SETD9: variants seen among roughly 807,000 people sequenced by gnomAD.
The protein encoded by SETD9 is SET domain-containing protein 9.
SETD9 carries 37 observed loss-of-function variants against 36.4 expected under a neutral mutation model. The ratio of observed to expected loss-of-function variants is 1.02; its 90% confidence interval spans 0.78 to 1.34. The LOEUF (loss-of-function observed/expected upper bound fraction) is 1.34. Ranked by LOEUF, SETD9 falls within the 40% of genes most tolerant of loss-of-function variation. The pLI is 0.00. For missense variants in SETD9, 323 were observed against 353.2 expected (o/e 0.91, Z 0.69); for synonymous variants, 128 against 132.9 (o/e 0.96, Z 0.26).
intron 5 of SETD9, among the ~76,000 whole-genome samples, chr5:56,915,992 T>C (rs79640700): frequency 0.015 from 2,274 of 151,508 alleles, 18 homozygotes; most frequent in Non-Finnish European, 0.023. Context: ...ACCAAAAACT[T>C]GATAACTTTT....
At chr5:56,924,618 G>T (rs1749868813) in intron 5 of SETD9, among the ~76,000 whole-genome samples, 1 of 152,136 alleles carries the variant, frequency 6.6e-6, no homozygotes, top group South Asian at 2.1e-4. Context: ...CTAAAGGCAG[G>T]GCTTTCTCCC....
chr5:56,913,488 A>AT (rs1749262843), intron 3 of SETD9, among the ~76,000 whole-genome samples: 1 of 150,228 alleles, frequency 6.7e-6, no homozygotes, highest in East Asian at 2.0e-4. Context: ...GGTTCAAGTG[A>AT]TTTTCCTGCC....
At chr5:56,910,290 A>T in intron 1 of SETD9, 1 of 1,304,264 alleles carries the variant, frequency 7.7e-7, no homozygotes. Flanking sequence ...TCACGTGGTT[A>T]AAGAAGCCCA....
At chr5:56,910,484 G>A (rs1579806033) in intron 1 of SETD9, 2 of 1,100,650 alleles carry the variant, frequency 1.8e-6, no homozygotes, top group Non-Finnish European at 2.4e-6. Context: ...CCTGAAGTCA[G>A]TGTCCGACAA....
downstream of SETD9, chr5:56,921,722 A>G (rs1749683008): frequency 6.6e-6 from 1 of 152,642 alleles, no homozygotes; most frequent in Non-Finnish European, 1.5e-5. Context: ...GCAGCCAAAC[A>G]TTTGTTTTTT....
In SETD9 at chr5:56,923,165, T is replaced by C. The variant is rs140602028; in HGVS notation, c.813-2168T>C. The C allele has an allele frequency of 1.1e-5, 17 of 1,613,926 alleles. No homozygotes were observed. In the African/African-American group the frequency reaches 2.0e-4, roughly 19 times the overall value. ...TAGGGCCGCGTGCTGATGCAGAGCA[T>C]GGGCACTGATGAAACCATTGGTCTC... On this transcript the variant is annotated intron_variant, in intron 5 of 5. Transcript: ENST00000628593.
At chr5:56,909,863 G>T in intron 1 of SETD9, 120 bp downstream of exon 1, 2 of 913,168 alleles carry the variant, frequency 2.2e-6, no homozygotes, top group South Asian at 1.7e-5. Context: ...GGGCGGGCCC[G>T]GGTGGGCAGG....
rs1579807825 is a variant in SETD9, at chr5:56,911,360, T to G, written c.290T>G (p.Val97Gly). Residue 97 changes from valine to glycine, a missense_variant, in exon 2 of 6, where the codon GTG becomes GGG. Transcript: ENST00000285947. ...QDLLAVEHQG[V>G]KLLENRHQQQ... ...CTACTGGCAGTTGAACATCAAGGGG[T>G]GAAACTGCTTGAAAACAGACATCAA... The G allele has an allele frequency of 6.2e-7, 1 of 1,612,760 alleles. No individual in the cohort carries two copies. Among genetic ancestry groups the G allele is most frequent in the Non-Finnish European group, 8.5e-7 (1 of 1,179,572 alleles).
chr5:56,911,360 T>C lies in SETD9; in HGVS notation c.290T>C (p.Val97Ala). ...CTACTGGCAGTTGAACATCAAGGGG[T>C]GAAACTGCTTGAAAACAGACATCAA... ...QDLLAVEHQG[V>A]KLLENRHQQQ... Residue 97 changes from valine to alanine, a missense_variant, in exon 2 of 6, where the codon GTG becomes GCG. By Grantham distance (64) the Val-to-Ala change is moderately conservative (BLOSUM62 0). Coordinates refer to ENST00000285947, the MANE Select transcript of SETD9 (RefSeq NM_153706.4). 6.2e-7 allele frequency: 1 copy of C among 1,612,760 alleles called. No individual in the cohort carries two copies. The highest frequency in any genetic ancestry group is 1.1e-5 in the South Asian group (1 of 90,736).
intron 1 of SETD9, chr5:56,910,653 GCAGTC>G (rs1425959611): frequency 3.8e-6 from 1 of 260,364 alleles, no homozygotes; most frequent in East Asian, 1.3e-4. Context: ...AATAAGAGGT[GCAGTC>G]ATTGAAGACG....
chr5:56,923,212 G>A (rs763598401), intron 5 of SETD9: 15 of 1,613,990 alleles, frequency 9.3e-6, no homozygotes, highest in African/African-American at 1.3e-5. Context: ...GACTGCCAAA[G>A]TCAGCCACAG....
intron 5 of SETD9, among the ~76,000 whole-genome samples, chr5:56,916,165 G>A (rs542593429): frequency 6.6e-5 from 10 of 152,210 alleles, no homozygotes; most frequent in African/African-American, 1.9e-4. Flanking sequence ...AGGCCGAGGC[G>A]GGCGGATCAC....
At chr5:56,925,460 C>A (rs997211672) in exon 6 of SETD9, 2 of 331,874 alleles carry the variant, frequency 6.0e-6, no homozygotes, top group South Asian at 2.4e-5. Flanking sequence ...TCCTATATAA[C>A]AGCAATGACG....
chr5:56,914,863 A>G lies in SETD9; in HGVS notation c.709A>G (p.Arg237Gly), dbSNP rs753165278. 3 of 1,596,172 alleles carry G rather than the reference A, an allele frequency of 1.9e-6. No individual in the cohort carries two copies. Among genetic ancestry groups the G allele is most frequent in the Non-Finnish European group, 2.6e-6 (3 of 1,168,000 alleles). The change falls in exon 5 of 6, where the codon AGA (arginine) becomes GGA (glycine). Residue 237 changes from arginine (R) to glycine (G), a missense_variant and splice_region_variant. By Grantham distance (125) the Arg-to-Gly change is moderately radical (BLOSUM62 -2). Coordinates refer to ENST00000285947, the MANE Select transcript of SETD9 (RefSeq NM_153706.4). Reference sequence around the variant, plus strand: ...AAAAATGATGTGCTTGTTCCTAGACAGAGCAGCTAATGTCTGTTATCAGGA... The same window carrying G: ...AAAAATGATGTGCTTGTTCCTAGACGGAGCAGCTAATGTCTGTTATCAGGA... ...GQYVNNCSNDRAANVCYQEFD... is the reference protein window; with the variant it reads ...GQYVNNCSNDGAANVCYQEFD...
At chr5:56,912,797 T>C (rs1366063893) in intron 2 of SETD9, among the ~76,000 whole-genome samples, 1 of 152,156 alleles carries the variant, frequency 6.6e-6, no homozygotes, top group Non-Finnish European at 1.5e-5. Flanking sequence ...GAGCCTAAAA[T>C]GTGATGTTCA....
downstream of SETD9, chr5:56,928,119 G>A (rs986403358): frequency 2.0e-5 from 3 of 152,134 alleles, no homozygotes; most frequent in African/African-American, 4.8e-5. Flanking sequence ...TCACCTCAAA[G>A]GACATACAGG....
chr5:56,920,485 TAAG>T (rs757910400), downstream of SETD9: 12 of 152,578 alleles, frequency 7.9e-5, no homozygotes, highest in Non-Finnish European at 1.2e-4. Context: ...CAGTTTGTTA[TAAG>T]AATTGTGCTT....
At chr5:56,918,696 A>G (rs1298634885), downstream of SETD9, among the ~76,000 whole-genome samples, 1 of 150,132 alleles carries the variant, frequency 6.7e-6, no homozygotes, top group Non-Finnish European at 1.5e-5. Context: ...CTGACAAGGA[A>G]GGGATGTGGT....
chr5:56,910,236 G>A, intron 1 of SETD9: 1 of 1,296,040 alleles, frequency 7.7e-7, no homozygotes, highest in Admixed American at 2.4e-5. Context: ...AACTTCCTCA[G>A]AAAAGCCAAG....
Sources: gnomAD v4.1 joint callset for allele counts (sites outside exome capture counted in the v4.1 genomes callset) on GRCh38, gnomAD v4.1.1 for gene constraint, MANE v1.5 for transcripts, NCBI Gene and HGNC (gene_info 2026-07-23, HGNC 2026-07-21) for gene names.